ART3: variants seen among roughly 807,000 people sequenced by gnomAD.
The protein encoded by ART3 is ADP-ribosyltransferase 3 (inactive), also known as ecto-ADP-ribosyltransferase 3.
A neutral mutation model predicts 48.5 loss-of-function variants in ART3; 49 were observed. The observed-to-expected ratio is 1.01, with a 90% confidence interval of 0.80 to 1.28. The LOEUF (loss-of-function observed/expected upper bound fraction) is 1.28. Among genes scored for constraint, ART3 ranks in the 50% most tolerant of loss-of-function variants. The pLI is 0.00. For missense variants in ART3, 438 were observed against 454.3 expected (o/e 0.96, Z 0.33); for synonymous variants, 145 against 157.2 (o/e 0.92, Z 0.58).
chr4:76,086,891 T>C (rs1723713520), intron 3 of ART3, among the ~76,000 whole-genome samples: 1 of 152,144 alleles, frequency 6.6e-6, no homozygotes. Context: ...AAATTGGCCA[T>C]AGTTTAGAGT....
chr4:76,090,107 C>A (rs1724542095), intron 3 of ART3, among the ~76,000 whole-genome samples: 2 of 152,084 alleles, frequency 1.3e-5, no homozygotes, highest in South Asian at 4.2e-4. Flanking sequence ...TAAAAATATT[C>A]TTTGGTAGCC....
upstream of ART3, among the ~76,000 whole-genome samples, chr4:76,071,260 C>A (rs956504130): frequency 3.3e-5 from 5 of 151,814 alleles, no homozygotes; most frequent in African/African-American, 1.2e-4. Context: ...ATCGCTTGAA[C>A]TGGGGAGGCA....
At chr4:76,069,854 A>G (rs911270889), upstream of ART3, among the ~76,000 whole-genome samples, 4 of 151,662 alleles carry the variant, frequency 2.6e-5, no homozygotes, top group African/African-American at 9.6e-5. Context: ...TAATACTGCT[A>G]TGAACATTTG....
At chr4:76,044,109 G>C (rs527783730) in intron 1 of ART3, among the ~76,000 whole-genome samples, 131 of 152,058 alleles carry the variant, frequency 8.6e-4, no homozygotes, top group African/African-American at 3.0e-3. Flanking sequence ...AAACAAATTT[G>C]ACAGGAAGGT....
intron 1 of ART3, among the ~76,000 whole-genome samples, chr4:76,045,910 G>A (rs546612643): frequency 1.3e-5 from 2 of 152,134 alleles, no homozygotes; most frequent in Non-Finnish European, 2.9e-5. Flanking sequence ...CCTTGCTGAG[G>A]GCCCTGGTCC....
chr4:76,104,090 C>T, intron 9 of ART3, 121 bp downstream of exon 9: 2 of 1,096,670 alleles, frequency 1.8e-6, no homozygotes, highest in Non-Finnish European at 2.7e-6. Flanking sequence ...AGCTACCTGC[C>T]AGTCATCTAC....
rs571167584 is a variant in ART3, at chr4:76,098,381, C to T, written c.815-574C>T. ...GGGTGGATCCTTTTGAAGATTTCCTCATTAAAAAGTTTAAAAACATACCAA... is the reference window on the plus strand; with the variant it reads ...GGGTGGATCCTTTTGAAGATTTCCTTATTAAAAAGTTTAAAAACATACCAA... On this transcript the variant is annotated intron_variant, in intron 4 of 11. Transcript: ENST00000355810. 2.0e-5 allele frequency among the ~76,000 whole-genome samples: 3 copies of T among 152,190 alleles called. No homozygotes were observed. The East Asian group carries it at 5.8e-4, about 29-fold the overall frequency.
At chr4:76,105,558 A>T (rs1487013142) in intron 10 of ART3, 2 of 1,288,670 alleles carry the variant, frequency 1.6e-6, no homozygotes, top group South Asian at 2.5e-5. Context: ...AAACCTGGTA[A>T]TATATTCTTT....
At chr4:76,023,808 C>T (rs908980302) in intron 1 of ART3, among the ~76,000 whole-genome samples, 2 of 152,138 alleles carry the variant, frequency 1.3e-5, no homozygotes, top group Admixed American at 6.5e-5. Flanking sequence ...AATGCTTTTT[C>T]TCAACACTTA....
intron 4 of ART3, among the ~76,000 whole-genome samples, chr4:76,098,468 G>A (rs1296148436): frequency 6.6e-6 from 1 of 152,110 alleles, no homozygotes; most frequent in African/African-American, 2.4e-5. Flanking sequence ...CTGTTTTTCT[G>A]GCTAGCTTTC....
At chr4:76,022,884 G>C in intron 1 of ART3, 2 of 1,533,894 alleles carry the variant, frequency 1.3e-6, no homozygotes, top group Non-Finnish European at 1.8e-6. Flanking sequence ...AATGTAGACT[G>C]GTGGTATTTA....
intron 1 of ART3, among the ~76,000 whole-genome samples, chr4:76,024,064 A>G (rs113829697): frequency 2.4e-4 from 37 of 152,358 alleles, no homozygotes; most frequent in South Asian, 8.3e-4. Flanking sequence ...TTGATCATTC[A>G]TAACACCATT....
At chr4:76,096,413 A>T (rs1726023314) in intron 3 of ART3, among the ~76,000 whole-genome samples, 1 of 152,226 alleles carries the variant, frequency 6.6e-6, no homozygotes, top group African/African-American at 2.4e-5. Flanking sequence ...TTGAGAGCAG[A>T]TTATAGAAGT....
rs17001352 is a variant in ART3 at position 76,083,975 on chromosome 4, C to T, written c.781+1440C>T. On this transcript the variant is annotated intron_variant, in intron 3 of 11. Transcript: ENST00000355810. ...TCCCATTCTCCCAGCATAGTAAAGACAGGTCATAGCTCAGTTAGAGTGGTT... is the reference window on the plus strand; with the variant it reads ...TCCCATTCTCCCAGCATAGTAAAGATAGGTCATAGCTCAGTTAGAGTGGTT... Among the ~76,000 whole-genome samples the T allele has an allele frequency of 9.7e-3, 1,472 of 152,290 alleles. 23 individuals are homozygous for T. The highest frequency in any genetic ancestry group is 0.032 in the African/African-American group (1,317 of 41,556).
intron 1 of ART3, chr4:76,023,220 G>T: frequency 3.1e-6 from 2 of 644,528 alleles, no homozygotes; most frequent in Non-Finnish European, 5.4e-6. Flanking sequence ...ATTCATATAA[G>T]TTTTATGATC....
At chr4:76,091,930 G>A (rs906401272) in intron 3 of ART3, among the ~76,000 whole-genome samples, 7 of 152,134 alleles carry the variant, frequency 4.6e-5, no homozygotes, top group Non-Finnish European at 7.3e-5. Context: ...TGATCCACCT[G>A]CCTCAGCCTC....
chr4:76,031,139 AATT>A (rs1401209263), intron 1 of ART3, among the ~76,000 whole-genome samples: 2 of 152,150 alleles, frequency 1.3e-5, no homozygotes, highest in African/African-American at 4.8e-5. Flanking sequence ...AGTATCAGTG[AATT>A]ATTCTCTTCT....
At chr4:76,027,511 A>G (rs4859592) in intron 1 of ART3, among the ~76,000 whole-genome samples, 85,282 of 141,514 alleles carry the variant, frequency 0.6, 26,636 homozygotes, top group East Asian at 0.94. Context: ...AACCAGTCAG[A>G]AAAATTGGTA....
rs1721806420 is a variant in ART3, at chr4:76,079,024, T to A, written c.70-2800T>A. Among the ~76,000 whole-genome samples, 4 of 151,968 alleles carry A rather than the reference T, an allele frequency of 2.6e-5. No individual in the cohort carries two copies. The South Asian group carries it at 8.3e-4, about 32-fold the overall frequency. ...TGAACCCGGCAGGCGGAGCTTGCAG[T>A]GAGCCGAAATAGTGCCACTGCACTC... On this transcript the variant is annotated intron_variant, in intron 2 of 11. Transcript: ENST00000355810.
Sources: gnomAD v4.1 joint callset for allele counts (sites outside exome capture counted in the v4.1 genomes callset) on GRCh38, gnomAD v4.1.1 for gene constraint, MANE v1.5 for transcripts, NCBI Gene and HGNC (gene_info 2026-07-23, HGNC 2026-07-21) for gene names.